Variants in IPCEF1 observed in about 807,000 individuals in gnomAD.
IPCEF1 encodes interactor protein for cytohesin exchange factors 1.
IPCEF1 carries 31 observed loss-of-function variants against 50.9 expected under a neutral mutation model. The ratio of observed to expected loss-of-function variants is 0.61; its 90% CI spans 0.46 to 0.82. The LOEUF (loss-of-function observed/expected upper bound fraction) is 0.82. Ranked by LOEUF, IPCEF1 falls within the 40% of genes least tolerant of loss-of-function variation. The pLI, the probability that IPCEF1 is intolerant of heterozygous loss-of-function variation, is 0.00. For missense variants in IPCEF1, 458 were observed against 514.0 expected (o/e 0.89, Z 1.05); for synonymous variants, 181 against 192.0 (o/e 0.94, Z 0.47).
intron 10 of IPCEF1, among the ~76,000 whole-genome samples, chr6:154,180,415 T>TATATATATA (rs1491475267): frequency 4.1e-4 from 12 of 29,332 alleles, no homozygotes; most frequent in African/African-American, 1.4e-3. Context: ...TATATATATA[T>TATATATATA]TTTTTTTTTA....
chr6:154,266,585 T>C (rs117091872), intron 2 of IPCEF1, among the ~76,000 whole-genome samples: 20,739 of 135,466 alleles, frequency 0.15, 1,783 homozygotes, highest in African/African-American at 0.23. Flanking sequence ...TATATATATA[T>C]ACACACAAAC....
At chr6:154,354,415 A>ACCTCCACCATCT (rs1784170086) in intron 1 of IPCEF1, among the ~76,000 whole-genome samples, 22 of 46,720 alleles carry the variant, frequency 4.7e-4, no homozygotes, top group South Asian at 1.5e-3. Flanking sequence ...CTCCACCACC[A>ACCTCCACCATCT]CCTCCACCAC....
At chr6:154,210,136 A>G (rs1411814205) in intron 9 of IPCEF1, among the ~76,000 whole-genome samples, 1 of 152,160 alleles carries the variant, frequency 6.6e-6, no homozygotes, top group Non-Finnish European at 1.5e-5. Context: ...GGTTGCTTTT[A>G]TTTCACCAGG....
chr6:154,210,472 T>G (rs966044637), intron 9 of IPCEF1, among the ~76,000 whole-genome samples: 2 of 151,974 alleles, frequency 1.3e-5, no homozygotes, highest in Non-Finnish European at 2.9e-5. Context: ...AAATACATAA[T>G]CCTCTCTTAA....
chr6:154,224,053 G>A (rs899645853), intron 5 of IPCEF1, among the ~76,000 whole-genome samples: 3 of 152,202 alleles, frequency 2.0e-5, no homozygotes, highest in Non-Finnish European at 4.4e-5. Context: ...AACAAAGCTA[G>A]ATTGTTCGTC....
intron 1 of IPCEF1, among the ~76,000 whole-genome samples, chr6:154,338,360 G>A (rs1007587487): frequency 1.3e-5 from 2 of 152,234 alleles, no homozygotes; most frequent in African/African-American, 2.4e-5. Context: ...AGGGAACTGA[G>A]AGCCAAAGAG....
At chr6:154,291,662 T>C (rs1359273809) in intron 1 of IPCEF1, among the ~76,000 whole-genome samples, 1 of 150,666 alleles carries the variant, frequency 6.6e-6, no homozygotes, top group African/African-American at 2.4e-5. Context: ...TTATTAATAA[T>C]GATCACACTC....
chr6:154,273,724 CTTTTTTTTTTTTTTTTTTTTTTT>C (rs71021036), intron 2 of IPCEF1, among the ~76,000 whole-genome samples: 26 of 63,310 alleles, frequency 4.1e-4, no homozygotes, highest in Admixed American at 1.2e-3. Context: ...TTCTTTCTTT[CTTTTTTTTTTTTTTTTTTTTTTT>C]TTTTTTTTTT....
chr6:154,337,525 A>G (rs967947314), intron 1 of IPCEF1, among the ~76,000 whole-genome samples: 4 of 152,248 alleles, frequency 2.6e-5, no homozygotes, highest in African/African-American at 7.2e-5. Flanking sequence ...CCAGGAGACA[A>G]GACACAAGTT....
chr6:154,243,096 A>G (rs1780730598), intron 5 of IPCEF1, among the ~76,000 whole-genome samples: 1 of 152,166 alleles, frequency 6.6e-6, no homozygotes, highest in South Asian at 2.1e-4. Context: ...GCATATGCGA[A>G]GGCTTAGAGA....
At chr6:154,220,552 G>T (rs1292759338) in intron 7 of IPCEF1, among the ~76,000 whole-genome samples, 1 of 152,178 alleles carries the variant, frequency 6.6e-6, no homozygotes, top group East Asian at 1.9e-4. Flanking sequence ...TGATGCAGGA[G>T]AATCATTCGA....
Position 154,157,979 on chromosome 6 carries a change from A to G in IPCEF1, c.*1849T>C, listed in dbSNP as rs375131974. ...CTTCCCTAGGTGGAGAAGTACCCAC[A>G]TGTTTGCTGGGCCAAACTGACTGGC... On this transcript the variant is annotated 3_prime_UTR_variant, in exon 12 of 12. Transcript: ENST00000367220. 6 of 152,260 alleles carry G rather than the reference A, an allele frequency of 3.9e-5. No individual in the cohort carries two copies. In the East Asian group the frequency reaches 7.7e-4, roughly 20 times the overall value. 9.4% of individuals were successfully genotyped at this position (152,260 alleles called of 1,614,324 possible). A position where few individuals can be genotyped will look rare whatever the true frequency, so the allele number is the denominator to read the frequency against.
At chr6:154,320,886 ACACT>A (rs1353726747) in intron 1 of IPCEF1, among the ~76,000 whole-genome samples, 1 of 152,084 alleles carries the variant, frequency 6.6e-6, no homozygotes, top group Non-Finnish European at 1.5e-5. Context: ...ATATAGAGAG[ACACT>A]CACACATATA....
chr6:154,321,779 A>AG (rs1783385278), intron 1 of IPCEF1, among the ~76,000 whole-genome samples: 1 of 67,160 alleles, frequency 1.5e-5, no homozygotes, highest in Non-Finnish European at 2.7e-5. Context: ...GACTCTTTCT[A>AG]AAAAAAAAAA....
chr6:154,185,909 A>T (rs1436124458), intron 10 of IPCEF1, among the ~76,000 whole-genome samples: 3 of 152,250 alleles, frequency 2.0e-5, no homozygotes, highest in African/African-American at 7.2e-5. Context: ...TAAAAGCTAA[A>T]GCATTTGGCT....
At chr6:154,258,505 A>C (rs1781515508) in intron 3 of IPCEF1, among the ~76,000 whole-genome samples, 1 of 152,204 alleles carries the variant, frequency 6.6e-6, no homozygotes, top group Non-Finnish European at 1.5e-5. Context: ...ACCATGGTAC[A>C]CACACTGTGG....
At chr6:154,349,185 T>TATC (rs1784082491) in intron 1 of IPCEF1, among the ~76,000 whole-genome samples, 2 of 141,006 alleles carry the variant, frequency 1.4e-5, no homozygotes, top group Admixed American at 1.4e-4. Context: ...TATTTTATCT[T>TATC]ATTATTATTA....
At chr6:154,284,297 G>C (rs1325884706) in intron 2 of IPCEF1, among the ~76,000 whole-genome samples, 2 of 152,232 alleles carry the variant, frequency 1.3e-5, no homozygotes, top group African/African-American at 4.8e-5. Context: ...AGAAGGAATT[G>C]TAAGTGTGAC....
rs1355051668 is a variant in IPCEF1 at position 154,199,805 on chromosome 6, G to A, written c.773C>T (p.Ala258Val). 5.0e-6 allele frequency: 8 copies of A among 1,614,070 alleles called. No homozygotes were observed. The highest frequency in any genetic ancestry group is 6.8e-6 in the Non-Finnish European group (8 of 1,180,040). The change falls in exon 10 of 12, where the codon GCC becomes GTC. Residue 258 changes from alanine (A) to valine (V), a missense_variant. Ala to Val is a moderately conservative substitution (Grantham distance 64, BLOSUM62 0). Transcript: ENST00000367220. ...PVPSEAGIHKALENSFVTSES... is the reference protein window; with the variant it reads ...PVPSEAGIHKVLENSFVTSES... ...TGATGTGACAAAACTGTTTTCCAGG[G>A]CCTTGTGGATGCCTGCCTCTGAGGG...
Sources: allele counts gnomAD v4.1 joint callset (sites outside exome capture counted in the v4.1 genomes callset), GRCh38; gene constraint gnomAD v4.1.1; transcripts MANE v1.5; gene names NCBI Gene and HGNC (gene_info 2026-07-23, HGNC 2026-07-21).